RXRG: variants seen among roughly 807,000 people sequenced by gnomAD.
The protein encoded by RXRG is retinoic acid receptor RXR-gamma.
Under a neutral mutation model 49.2 loss-of-function variants are expected in RXRG, and 19 were observed. That is an observed-to-expected ratio of 0.39 (90% confidence interval 0.27 to 0.57). The LOEUF is 0.57. Ranked by LOEUF, RXRG falls within the 20% of genes least tolerant of loss-of-function variation. The pLI is 0.64. For synonymous variants in RXRG, 224 were observed against 216.6 expected, an observed-to-expected ratio of 1.03 and a Z score of -0.30; for missense variants, 452 against 592.5, an observed-to-expected ratio of 0.76 and a Z score of 2.46.
chr1:165,418,828 C>T (rs1658218434), intron 3 of RXRG, among the ~76,000 whole-genome samples: 1 of 151,900 alleles, frequency 6.6e-6, no homozygotes, highest in Admixed American at 6.6e-5. Context: ...CGGGCTGTGG[C>T]TGGTGTGCTA....
chr1:165,409,747 A>G, intron 6 of RXRG, 57 bp from the exon 7 acceptor site: 3 of 1,378,550 alleles, frequency 2.2e-6, no homozygotes, highest in South Asian at 2.0e-5. Flanking sequence ...TTCTTTACTT[A>G]TAATCACCCA....
At chr1:165,418,296 C>T (rs7533324) in intron 3 of RXRG, among the ~76,000 whole-genome samples, 20,587 of 152,054 alleles carry the variant, frequency 0.14, 1,645 homozygotes, top group Middle Eastern at 0.24. Flanking sequence ...GAATCAATCA[C>T]AATCCTTTTT....
At position 165,428,965 on chromosome 1, in the gene RXRG, G is replaced by T; in HGVS notation, c.51C>A (p.Gly17=). The T allele has an allele frequency of 6.2e-7, 1 of 1,612,016 alleles. No individual in the cohort carries two copies. The highest frequency in any genetic ancestry group is 8.5e-7 in the Non-Finnish European group (1 of 1,179,358). The change falls in exon 2 of 10, where the codon GGC becomes GGA. Residue 17 remains glycine, a splice_region_variant and synonymous_variant. Coordinates refer to ENST00000359842, the MANE Select transcript of RXRG (RefSeq NM_006917.5). ...ATGTAGAGCCAGTGTGGCCAGGGGA[G>T]CCTGTAAGAAGAAGAATATAGATGG... ...HFMKFPAGYG[G]SPGHTGSTSM... is the part of the protein sequence containing the mutation.
In RXRG at chr1:165,443,831, G is replaced by A. The variant is rs766280741; in HGVS notation, c.49+1014C>T. 8.5e-5 allele frequency among the ~76,000 whole-genome samples: 13 copies of A among 152,268 alleles called. No individual in the cohort carries two copies. The South Asian group carries it at 1.7e-3, about 19-fold the overall frequency. ...CAAGCCTTCAGATGAATTGGTCCACGGAGGAAGTCTGGAGAGCAGGGACTT... is the reference window on the plus strand; with the variant it reads ...CAAGCCTTCAGATGAATTGGTCCACAGAGGAAGTCTGGAGAGCAGGGACTT... On this transcript the variant is annotated intron_variant, in intron 1 of 9. Transcript: ENST00000359842.
chr1:165,408,111 C>A (rs1657816466), intron 8 of RXRG, 116 bp downstream of exon 8: 2 of 810,552 alleles, frequency 2.5e-6, no homozygotes, highest in East Asian at 4.9e-5. Context: ...TCCTGGATTC[C>A]TGGCTCTGCC....
At chr1:165,434,280 A>C (rs457928) in intron 1 of RXRG, among the ~76,000 whole-genome samples, 1 of 130,988 alleles carries the variant, frequency 7.6e-6, no homozygotes, top group African/African-American at 2.6e-5. Context: ...GCATGTGTGT[A>C]TGTGTGTGTG....
chr1:165,408,857 G>A (rs1439914583), intron 7 of RXRG, among the ~76,000 whole-genome samples: 3 of 152,196 alleles, frequency 2.0e-5, no homozygotes, highest in Non-Finnish European at 2.9e-5. Context: ...GACCATTTAC[G>A]ATGGAGGTAG....
intron 4 of RXRG, among the ~76,000 whole-genome samples, chr1:165,416,155 G>A (rs548403917): frequency 1.3e-5 from 2 of 152,108 alleles, no homozygotes; most frequent in African/African-American, 2.4e-5. Context: ...AATGAGGAGC[G>A]TGCTGGGCCT....
chr1:165,415,668 T>A (rs1658100787), intron 4 of RXRG, among the ~76,000 whole-genome samples: 1 of 152,114 alleles, frequency 6.6e-6, no homozygotes, highest in Admixed American at 6.5e-5. Flanking sequence ...GGGGAGTCAA[T>A]GGTTTTTGTT....
intron 3 of RXRG, 101 bp from the exon 4 acceptor site, chr1:165,417,321 T>G: frequency 8.8e-7 from 1 of 1,139,812 alleles, no homozygotes; most frequent in Non-Finnish European, 1.3e-6. Flanking sequence ...AACAGGCATA[T>G]CACTTGGGCA....
In RXRG at chr1:165,428,987, A is replaced by T. The variant is rs1299354850; in HGVS notation, c.50-21T>A. 8 of 1,605,040 alleles carry T rather than the reference A, an allele frequency of 5.0e-6. No homozygotes were observed. In the Admixed American group the frequency reaches 1.2e-4, roughly 24 times the overall value. Reference sequence around the variant, plus strand: ...GGAGCCTGTAAGAAGAAGAATATAGATGGTGGGAGGTTGGGGAACATGGAA... The same window carrying T: ...GGAGCCTGTAAGAAGAAGAATATAGTTGGTGGGAGGTTGGGGAACATGGAA... On this transcript the variant is annotated intron_variant, in intron 1 of 9. Coordinates refer to ENST00000359842, the MANE Select transcript of RXRG (RefSeq NM_006917.5).
At chr1:165,402,674 A>C (rs547000076) in intron 9 of RXRG, among the ~76,000 whole-genome samples, 1 of 151,622 alleles carries the variant, frequency 6.6e-6, no homozygotes. Flanking sequence ...TCACACATAC[A>C]CACATGCCCA....
At chr1:165,407,651 T>G (rs772550879) in intron 8 of RXRG, among the ~76,000 whole-genome samples, 1 of 152,132 alleles carries the variant, frequency 6.6e-6, no homozygotes, top group Non-Finnish European at 1.5e-5. Flanking sequence ...GCACATGGCT[T>G]CTCCCATGAA....
intron 3 of RXRG, among the ~76,000 whole-genome samples, chr1:165,418,346 T>C (rs753308867): frequency 3.9e-5 from 6 of 152,148 alleles, no homozygotes; most frequent in Non-Finnish European, 5.9e-5. Flanking sequence ...CTATGCTTGA[T>C]TGATTGAAAT....
chr1:165,403,603 AAGC>A (rs1206451300), intron 9 of RXRG, among the ~76,000 whole-genome samples: 2 of 152,214 alleles, frequency 1.3e-5, no homozygotes, highest in Non-Finnish European at 2.9e-5. Context: ...AAGCCCCTGA[AAGC>A]ATTTGAGTGG....
chr1:165,442,948 T>C (rs554420442), intron 1 of RXRG, among the ~76,000 whole-genome samples: 56 of 152,316 alleles, frequency 3.7e-4, no homozygotes, highest in African/African-American at 1.3e-3. Flanking sequence ...TTTCACTATA[T>C]TAAAGCAACA....
chr1:165,438,737 C>T (rs1658890976), intron 1 of RXRG, among the ~76,000 whole-genome samples: 1 of 152,154 alleles, frequency 6.6e-6, no homozygotes, highest in African/African-American at 2.4e-5. Flanking sequence ...TTCTAAAAGT[C>T]TGATTTCTAA....
chr1:165,401,214 A>C lies in RXRG; in HGVS notation c.*49T>G, dbSNP rs757352692. On this transcript the variant is annotated 3_prime_UTR_variant, in exon 10 of 10. Coordinates refer to ENST00000359842, the MANE Select transcript of RXRG (RefSeq NM_006917.5). ...GAAAGTGCAGGGTGGGGGTCCACAC[A>C]CACCTGCCCAGGGGTCATCCTGGGT... 6.3e-7 allele frequency: 1 copy of C among 1,596,610 alleles called. No individual in the cohort carries two copies. The highest frequency in any genetic ancestry group is 2.2e-5 in the East Asian group (1 of 44,698).
chr1:165,401,960 T>C (rs10918170), intron 9 of RXRG, among the ~76,000 whole-genome samples: 46,424 of 152,170 alleles, frequency 0.31, 9,701 homozygotes, highest in African/African-American at 0.57. Flanking sequence ...GTTACTCAGG[T>C]TGGACCTGAG....
Sources: allele counts gnomAD v4.1 joint callset (sites outside exome capture counted in the v4.1 genomes callset), GRCh38; gene constraint gnomAD v4.1.1; transcripts MANE v1.5; gene names NCBI Gene and HGNC (gene_info 2026-07-23, HGNC 2026-07-21).